MET: variants seen among roughly 807,000 people sequenced by gnomAD.
MET encodes the protein MET proto-oncogene, receptor tyrosine kinase, also known as hepatocyte growth factor receptor.
MET carries 48 observed loss-of-function variants against 133.1 expected under a neutral mutation model. The observed-to-expected ratio is 0.36, with a 90% CI of 0.29 to 0.46. The LOEUF is 0.46. MET is among the 20% of genes least tolerant of loss of function. MET has a pLI of 1.00. For synonymous variants in MET, 628 were observed against 616.5 expected, an observed-to-expected ratio of 1.02 and a Z score of -0.28; for missense variants, 1,442 against 1,695.9, an observed-to-expected ratio of 0.85 and a Z score of 2.63.
At chr7:116,675,439 A>G (rs936570295) in intron 1 of MET, among the ~76,000 whole-genome samples, 33 of 152,226 alleles carry the variant, frequency 2.2e-4, no homozygotes, top group African/African-American at 8.0e-4. Flanking sequence ...TTAAAAATCA[A>G]AGTTTGGAAC....
At chr7:116,760,255 C>G (rs557009907) in intron 10 of MET, among the ~76,000 whole-genome samples, 19 of 152,178 alleles carry the variant, frequency 1.2e-4, no homozygotes, top group African/African-American at 3.9e-4. Flanking sequence ...TTCTTACAGC[C>G]CCCTGTTCTT....
At chr7:116,765,404 A>G (rs1333052320) in intron 11 of MET, among the ~76,000 whole-genome samples, 1 of 151,988 alleles carries the variant, frequency 6.6e-6, no homozygotes, top group East Asian at 1.9e-4. Context: ...CTCCTCATGC[A>G]GCCATGCATG....
chr7:116,697,257 C>T (rs1490502361), intron 1 of MET, among the ~76,000 whole-genome samples: 1 of 152,166 alleles, frequency 6.6e-6, no homozygotes, highest in Non-Finnish European at 1.5e-5. Flanking sequence ...TCAAATCCTA[C>T]TTATTCAAAT....
At chr7:116,722,077 C>T (rs888858174) in intron 2 of MET, among the ~76,000 whole-genome samples, 1 of 150,526 alleles carries the variant, frequency 6.6e-6, no homozygotes, top group Non-Finnish European at 1.5e-5. Flanking sequence ...CTAATGTTGA[C>T]AGTGGGGTGT....
rs1260339214 is a variant in MET at position 116,796,426 on chromosome 7, A to G, written c.*302A>G. 4.3e-6 allele frequency: 2 copies of G among 470,192 alleles called. No homozygotes were observed. The highest frequency in any genetic ancestry group is 7.8e-6 in the Non-Finnish European group (2 of 256,882). The allele number at this position is 470,192 out of a possible 1,614,324, so 29.1% of individuals were successfully genotyped here. On this transcript the variant is annotated 3_prime_UTR_variant, in exon 21 of 21. Transcript: ENST00000397752. ...TAAAAATCAGGTACCACTTGATTTC[A>G]TATGGGAAATTGAAGCAGGAAATAT...
At chr7:116,773,156 CTT>C (rs1350750087) in intron 14 of MET, among the ~76,000 whole-genome samples, 1 of 152,170 alleles carries the variant, frequency 6.6e-6, no homozygotes, top group African/African-American at 2.4e-5. Flanking sequence ...GTTTCACACT[CTT>C]TTCTCCATTG....
chr7:116,689,411 A>G (rs970402078), intron 1 of MET, among the ~76,000 whole-genome samples: 10 of 152,058 alleles, frequency 6.6e-5, no homozygotes, highest in Non-Finnish European at 1.3e-4. Flanking sequence ...ATTTTTCCCC[A>G]TTTGCTGACG....
intron 5 of MET, among the ~76,000 whole-genome samples, chr7:116,753,925 A>G (rs1794024959): frequency 6.6e-6 from 1 of 152,204 alleles, no homozygotes; most frequent in Non-Finnish European, 1.5e-5. Context: ...TGCTTTATTA[A>G]GAAATAATTA....
chr7:116,699,082 AT>A lies in MET; in HGVS notation c.-2del. The A allele has an allele frequency of 6.2e-7, 1 of 1,613,730 alleles. No individual in the cohort carries two copies. On this transcript the variant is annotated 5_prime_UTR_variant, in exon 2 of 21. Coordinates refer to ENST00000397752, the MANE Select transcript of MET (RefSeq NM_000245.4). ...ACCTGTTTTGGCAGATAAACCTCTC[AT>A]AATGAAGGCCCCCGCTGTGCTTGCA... is the stretch of plus-strand genomic sequence containing the variant.
chr7:116,768,633 CATGT>C (rs1794720121), intron 11 of MET, among the ~76,000 whole-genome samples: 1 of 152,102 alleles, frequency 6.6e-6, no homozygotes, highest in African/African-American at 2.4e-5. Flanking sequence ...CGTATGAGAC[CATGT>C]ATGTGAATGG....
chr7:116,780,663 T>G (rs1312392351), intron 17 of MET, among the ~76,000 whole-genome samples: 1 of 152,212 alleles, frequency 6.6e-6, no homozygotes, highest in East Asian at 1.9e-4. Context: ...AACCCAGATG[T>G]GTCTTAAAGA....
intron 20 of MET, 30 bp downstream of exon 20, chr7:116,795,821 C>A (rs1191157440): frequency 1.2e-6 from 2 of 1,614,076 alleles, no homozygotes; most frequent in East Asian, 4.5e-5. Context: ...CTCTTACGTT[C>A]TTTACTTTTA....
chr7:116,772,404 G>T (rs185836885), intron 14 of MET, among the ~76,000 whole-genome samples: 4 of 152,064 alleles, frequency 2.6e-5, no homozygotes, highest in Admixed American at 6.6e-5. Flanking sequence ...GTAATTCTTC[G>T]AAGTGTTTTC....
intron 11 of MET, among the ~76,000 whole-genome samples, chr7:116,764,156 GA>G (rs1429974687): frequency 6.6e-6 from 1 of 151,890 alleles, no homozygotes; most frequent in African/African-American, 2.4e-5. Flanking sequence ...TGTTTCCATT[GA>G]AATTTTTCTG....
chr7:116,720,562 C>T, intron 2 of MET, among the ~76,000 whole-genome samples: 3 of 78,716 alleles, frequency 3.8e-5, no homozygotes, highest in South Asian at 1.1e-3. Flanking sequence ...CTGTCTTGTG[C>T]CAGTTTTCAA....
intron 1 of MET, among the ~76,000 whole-genome samples, chr7:116,677,632 T>C (rs1213384633): frequency 1.3e-5 from 2 of 152,254 alleles, no homozygotes; most frequent in African/African-American, 2.4e-5. Flanking sequence ...GGGCTCCTGA[T>C]GGTCCCAATT....
chr7:116,778,627 G>A (rs1584960960), intron 16 of MET, 149 bp from the exon 17 acceptor site: 4 of 848,536 alleles, frequency 4.7e-6, no homozygotes, highest in African/African-American at 3.3e-5. Context: ...TCACTCAGAT[G>A]TGATGTAAAA....
chr7:116,750,611 C>T, intron 5 of MET, among the ~76,000 whole-genome samples: 1 of 152,096 alleles, frequency 6.6e-6, no homozygotes, highest in East Asian at 1.9e-4. Flanking sequence ...TTCTGCACAG[C>T]AAAAGAAACT....
intron 2 of MET, among the ~76,000 whole-genome samples, chr7:116,719,445 T>C (rs1792388281): frequency 1.3e-5 from 2 of 152,236 alleles, no homozygotes; most frequent in Admixed American, 6.5e-5. Flanking sequence ...AGGTTGCCTA[T>C]TCACTCTGAT....
Sources: allele counts gnomAD v4.1 joint callset (sites outside exome capture counted in the v4.1 genomes callset), GRCh38; gene constraint gnomAD v4.1.1; transcripts MANE v1.5; gene names NCBI Gene and HGNC (gene_info 2026-07-23, HGNC 2026-07-21).